Variants in TAOK3 observed in about 807,000 individuals in gnomAD.
TAOK3 encodes the protein serine/threonine-protein kinase TAO3.
Under a neutral mutation model 120.4 loss-of-function variants are expected in TAOK3, and 40 were observed. The ratio of observed to expected loss-of-function variants is 0.33; its 90% CI spans 0.26 to 0.43. The LOEUF is 0.43. Among genes scored for constraint, TAOK3 ranks in the 20% least tolerant of loss-of-function variants. The pLI, the probability that TAOK3 is intolerant of heterozygous loss-of-function variation, is 1.00. For missense variants in TAOK3, 821 were observed against 1,112.1 expected (o/e 0.74, Z 3.72); for synonymous variants, 355 against 387.5 (o/e 0.92, Z 0.99).
intron 9 of TAOK3, among the ~76,000 whole-genome samples, chr12:118,214,455 A>G (rs1002806228): frequency 1.3e-5 from 2 of 152,178 alleles, no homozygotes; most frequent in African/African-American, 4.8e-5. Context: ...TCAAAAATAT[A>G]TATTCTCTCC....
intron 1 of TAOK3, chr12:118,297,214 G>A (rs2042716818): frequency 6.6e-6 from 1 of 152,180 alleles, no homozygotes; most frequent in South Asian, 2.1e-4. Context: ...TAGAATGCAA[G>A]AAGAAGGGCT....
chr12:118,260,488 T>C (rs1181817939), intron 2 of TAOK3, among the ~76,000 whole-genome samples: 1 of 152,098 alleles, frequency 6.6e-6, no homozygotes, highest in Non-Finnish European at 1.5e-5. Context: ...TAATTCATAA[T>C]GAGGAGAAAA....
At chr12:118,289,029 G>A (rs2042372038) in intron 1 of TAOK3, among the ~76,000 whole-genome samples, 2 of 151,700 alleles carry the variant, frequency 1.3e-5, no homozygotes, top group African/African-American at 2.4e-5. Flanking sequence ...GCTGGGCATG[G>A]TGGCTCACAC....
intron 1 of TAOK3, among the ~76,000 whole-genome samples, chr12:118,276,084 C>T (rs770038522): frequency 2.2e-4 from 34 of 152,182 alleles, no homozygotes; most frequent in African/African-American, 7.7e-4. Context: ...GGGAAGCCAC[C>T]GAAGCATTTC....
chr12:118,289,504 C>A (rs888146700), intron 1 of TAOK3, among the ~76,000 whole-genome samples: 4 of 151,742 alleles, frequency 2.6e-5, no homozygotes, highest in African/African-American at 9.7e-5. Flanking sequence ...AGTATACATC[C>A]TTCTTAAGTA....
intron 11 of TAOK3, among the ~76,000 whole-genome samples, chr12:118,211,039 CTTAT>C (rs2038604144): frequency 6.6e-6 from 1 of 152,122 alleles, no homozygotes; most frequent in South Asian, 2.1e-4. Context: ...GCCCGGCCTA[CTTAT>C]TTATTTCTTA....
At chr12:118,368,450 G>A (rs550014494) in intron 1 of TAOK3, among the ~76,000 whole-genome samples, 28 of 151,624 alleles carry the variant, frequency 1.8e-4, no homozygotes, top group African/African-American at 6.3e-4. Flanking sequence ...CACCCGCCTT[G>A]GCCTTCCAAA....
At chr12:118,337,621 T>C (rs770619907) in intron 1 of TAOK3, among the ~76,000 whole-genome samples, 2 of 152,190 alleles carry the variant, frequency 1.3e-5, no homozygotes, top group African/African-American at 2.4e-5. Context: ...CTCAGTTAAA[T>C]CGTCAGAGAA....
intron 3 of TAOK3, chr12:118,246,114 C>G (rs558815774): frequency 1.5e-6 from 2 of 1,355,054 alleles, no homozygotes; most frequent in East Asian, 2.5e-5. Context: ...AGCGGGGGGG[C>G]ACGGAGGCCC....
chr12:118,271,613 G>A (rs749503781), intron 1 of TAOK3, among the ~76,000 whole-genome samples: 20 of 152,280 alleles, frequency 1.3e-4, no homozygotes, highest in South Asian at 1.2e-3. Context: ...GGCCATTATG[G>A]ATAGTGCTAC....
chr12:118,161,638 T>C lies in TAOK3; in HGVS notation c.2139+150A>G, dbSNP rs1157715853. 7 of 1,045,428 alleles carry C rather than the reference T, an allele frequency of 6.7e-6. No homozygotes were observed. The highest frequency in any genetic ancestry group is 2.4e-5 in the East Asian group (1 of 41,806). 64.8% of individuals were successfully genotyped at this position (1,045,428 alleles called of 1,614,324 possible). Reference sequence around the variant, plus strand: ...CATCTCCTTTTCAGGAGCTTAAATATAGACTCTGTGCTTTGCAACTGGAGA... The same window carrying C: ...CATCTCCTTTTCAGGAGCTTAAATACAGACTCTGTGCTTTGCAACTGGAGA... On this transcript the variant is annotated intron_variant, in intron 18 of 20. Coordinates refer to ENST00000392533, the MANE Select transcript of TAOK3 (RefSeq NM_016281.4). The surrounding 1 kb of genome is among the most constrained non-coding windows in gnomAD (Gnocchi z 4.5).
intron 1 of TAOK3, among the ~76,000 whole-genome samples, chr12:118,281,101 G>C (rs1482620011): frequency 2.0e-5 from 3 of 152,192 alleles, no homozygotes; most frequent in Non-Finnish European, 4.4e-5. Flanking sequence ...TTGGGCAGAG[G>C]CTATGCGGTT....
At chr12:118,209,787 C>T (rs2038529471) in intron 11 of TAOK3, among the ~76,000 whole-genome samples, 1 of 151,136 alleles carries the variant, frequency 6.6e-6, no homozygotes, top group Admixed American at 6.6e-5. Context: ...GATCTCGGCT[C>T]ACTGCAACCT....
intron 15 of TAOK3, among the ~76,000 whole-genome samples, chr12:118,180,813 T>C (rs2036667474): frequency 6.6e-6 from 1 of 152,082 alleles, no homozygotes; most frequent in African/African-American, 2.4e-5. Flanking sequence ...CAGGCCACCA[T>C]CAAGGGACTG....
In TAOK3 at chr12:118,289,312, A is replaced by AAG. The variant is rs1471330827; in HGVS notation, c.-193-22554_-193-22553insCT. Among the ~76,000 whole-genome samples the AAG allele has an allele frequency of 3.3e-3, 496 of 151,514 alleles. 1 individual carries two copies. Among genetic ancestry groups the AAG allele is most frequent in the African/African-American group, 0.011 (455 of 41,288 alleles). On this transcript the variant is annotated intron_variant, in intron 1 of 20. Transcript: ENST00000392533. The stretch of plus-strand genomic sequence containing the variant: ...AGACTGTCTCAAAAAAAAAAAAAAA[A>AAG]AAAAAGAAAACAAAAGTGTTATTCT...
intron 1 of TAOK3, among the ~76,000 whole-genome samples, chr12:118,351,244 T>C (rs966489261): frequency 6.6e-6 from 1 of 152,196 alleles, no homozygotes; most frequent in Non-Finnish European, 1.5e-5. Flanking sequence ...GTATACTTAT[T>C]TAGGTAACTA....
intron 3 of TAOK3, among the ~76,000 whole-genome samples, chr12:118,251,582 C>A (rs935477651): frequency 6.6e-6 from 1 of 152,106 alleles, no homozygotes; most frequent in South Asian, 2.1e-4. Context: ...TAAATGAGAT[C>A]GTGCCAGCCT....
intron 1 of TAOK3, among the ~76,000 whole-genome samples, chr12:118,278,416 T>C (rs559353450): frequency 5.3e-5 from 8 of 152,328 alleles, no homozygotes; most frequent in South Asian, 2.1e-4. Flanking sequence ...GTTCCTGTGT[T>C]AGTTCATTTA....
chr12:118,286,602 C>T (rs2042276345), intron 1 of TAOK3, among the ~76,000 whole-genome samples: 6 of 150,142 alleles, frequency 4.0e-5, no homozygotes. Flanking sequence ...GAATAGGGAA[C>T]ACTTCTGCAC....
Sources: gnomAD v4.1 joint callset for allele counts (sites outside exome capture counted in the v4.1 genomes callset) on GRCh38, gnomAD v4.1.1 for gene constraint, Gnocchi (gnomAD v3.1) non-coding constraint, MANE v1.5 for transcripts, NCBI Gene and HGNC (gene_info 2026-07-23, HGNC 2026-07-21) for gene names.